The following NRG3 variants were observed in gnomAD, a reference collection of about 807,000 sequenced individuals.
The protein encoded by NRG3 is pro-neuregulin-3, membrane-bound isoform.
NRG3 carries 31 observed loss-of-function variants against 66.9 expected under a neutral mutation model. That is an observed-to-expected ratio of 0.46 (90% CI 0.35 to 0.63). The LOEUF (loss-of-function observed/expected upper bound fraction) is 0.63. Among genes scored for constraint, NRG3 ranks in the 20% least tolerant of loss-of-function variants. NRG3 has a pLI of 0.00. For missense variants in NRG3, 910 were observed against 878.9 expected, an observed-to-expected ratio of 1.04 and a Z score of -0.45; for synonymous variants, 393 against 359.4, an observed-to-expected ratio of 1.09 and a Z score of -1.06.
chr10:82,338,213 G>T (rs1240540964), intron 1 of NRG3, among the ~76,000 whole-genome samples: 1 of 152,208 alleles, frequency 6.6e-6, no homozygotes, highest in Non-Finnish European at 1.5e-5. Flanking sequence ...TAGTGCACTT[G>T]TGAGATCATC....
At chr10:82,684,774 G>A (rs2054379414) in intron 2 of NRG3, among the ~76,000 whole-genome samples, 1 of 152,120 alleles carries the variant, frequency 6.6e-6, no homozygotes, top group Non-Finnish European at 1.5e-5. Context: ...TCAAAGCTGT[G>A]TCTTGCAAAA....
intron 3 of NRG3, among the ~76,000 whole-genome samples, chr10:82,860,154 C>T (rs900820305): frequency 3.9e-5 from 6 of 152,102 alleles, no homozygotes; most frequent in East Asian, 1.9e-4. Flanking sequence ...GAAATTTCCC[C>T]GGTAACCAAT....
chr10:82,924,811 C>A (rs569150204), intron 4 of NRG3, among the ~76,000 whole-genome samples: 1 of 152,268 alleles, frequency 6.6e-6, no homozygotes, highest in Admixed American at 6.5e-5. Flanking sequence ...GACACCCCAG[C>A]TTTTCAAAAG....
intron 1 of NRG3, among the ~76,000 whole-genome samples, chr10:82,191,768 C>A (rs2074156168): frequency 6.6e-6 from 1 of 152,100 alleles, no homozygotes; most frequent in Non-Finnish European, 1.5e-5. Context: ...GCTTTCTTAC[C>A]AAACACTGTT....
intron 3 of NRG3, among the ~76,000 whole-genome samples, chr10:82,745,109 G>A (rs1366443879): frequency 6.6e-6 from 1 of 152,070 alleles, no homozygotes; most frequent in Non-Finnish European, 1.5e-5. Flanking sequence ...AAAAATGGAG[G>A]GGCAATAAAA....
chr10:82,273,623 T>G, intron 1 of NRG3, among the ~76,000 whole-genome samples: 1 of 152,008 alleles, frequency 6.6e-6, no homozygotes, highest in Admixed American at 6.6e-5. Context: ...ATAATATCCA[T>G]TTTAAAAAAT....
chr10:82,984,019 A>G (rs894148154), intron 8 of NRG3, among the ~76,000 whole-genome samples: 5 of 152,246 alleles, frequency 3.3e-5, no homozygotes, highest in Admixed American at 1.3e-4. Flanking sequence ...ATGTATAAAC[A>G]TGATTTTCAT....
At chr10:82,262,102 C>G (rs1011987311) in intron 1 of NRG3, among the ~76,000 whole-genome samples, 1 of 152,302 alleles carries the variant, frequency 6.6e-6, no homozygotes, top group Middle Eastern at 3.4e-3. Flanking sequence ...CCTGCAGAAC[C>G]ATGAGCGAAC....
chr10:82,072,201 A>G (rs964486403), intron 1 of NRG3, among the ~76,000 whole-genome samples: 6 of 152,206 alleles, frequency 3.9e-5, no homozygotes, highest in Non-Finnish European at 8.8e-5. Context: ...AAAATGTATG[A>G]TTATATTTTG....
At chr10:81,922,240 T>C (rs1209629136) in intron 1 of NRG3, among the ~76,000 whole-genome samples, 2 of 152,190 alleles carry the variant, frequency 1.3e-5, no homozygotes, top group Non-Finnish European at 2.9e-5. Context: ...GATCGTTTTT[T>C]AACAAATCCT....
At chr10:82,289,659 G>A (rs1348632746) in intron 1 of NRG3, among the ~76,000 whole-genome samples, 1 of 151,978 alleles carries the variant, frequency 6.6e-6, no homozygotes, top group East Asian at 1.9e-4. Context: ...ACGAAGTTTT[G>A]TATAATATAT....
chr10:82,545,425 C>A (rs1371760102), intron 2 of NRG3, among the ~76,000 whole-genome samples: 1 of 144,164 alleles, frequency 6.9e-6, no homozygotes, highest in Non-Finnish European at 1.5e-5. Flanking sequence ...GTCGCCCAGG[C>A]TGGAGTGCAG....
chr10:82,479,640 G>A (rs1285000604), intron 2 of NRG3, among the ~76,000 whole-genome samples: 4 of 125,440 alleles, frequency 3.2e-5, no homozygotes, highest in African/African-American at 1.3e-4. Context: ...CTCCAGCATG[G>A]ACAACAAGAG....
chr10:82,841,374 A>G (rs1450761245), intron 3 of NRG3, among the ~76,000 whole-genome samples: 3 of 152,200 alleles, frequency 2.0e-5, no homozygotes, highest in Non-Finnish European at 2.9e-5. Flanking sequence ...AATGCGTATC[A>G]GCGTTCTCTA....
intron 4 of NRG3, among the ~76,000 whole-genome samples, chr10:82,931,970 T>C (rs1404396047): frequency 6.6e-6 from 1 of 152,234 alleles, no homozygotes; most frequent in Non-Finnish European, 1.5e-5. Flanking sequence ...GATAAAATTC[T>C]TCTACCTTAT....
At chr10:82,654,059 GT>G (rs2133911706) in intron 2 of NRG3, among the ~76,000 whole-genome samples, 1 of 152,222 alleles carries the variant, frequency 6.6e-6, no homozygotes, top group South Asian at 2.1e-4. Flanking sequence ...TATTTGTGCA[GT>G]TTTTTGGGGG....
intron 1 of NRG3, among the ~76,000 whole-genome samples, chr10:82,321,225 C>T (rs2081552827): frequency 6.6e-6 from 1 of 152,034 alleles, no homozygotes; most frequent in Non-Finnish European, 1.5e-5. Flanking sequence ...TGTGTGCTCC[C>T]CCTCCAGTAA....
chr10:82,227,880 G>A (rs1367254373), intron 1 of NRG3, among the ~76,000 whole-genome samples: 1 of 152,010 alleles, frequency 6.6e-6, no homozygotes, highest in Non-Finnish European at 1.5e-5. Context: ...GGTGTTAGGG[G>A]CAGCCTTCAT....
rs866350345 is a variant in NRG3 at position 82,025,879 on chromosome 10, T to C, written c.823+149716T>C. Among the ~76,000 whole-genome samples the C allele has an allele frequency of 6.6e-5, 10 of 152,168 alleles. No individual in the cohort carries two copies. In the East Asian group the frequency reaches 1.7e-3, roughly 27 times the overall value. On this transcript the variant is annotated intron_variant, in intron 1 of 8. Coordinates refer to ENST00000372141, the MANE Select transcript of NRG3 (RefSeq NM_001010848.4). ...TGATAGCTGAGCTGGTGAGATTATA[T>C]AGCACCCTTGAAAACTTTCCTCTTT...
Sources: gnomAD v4.1 joint callset for allele counts (sites outside exome capture counted in the v4.1 genomes callset) on GRCh38, gnomAD v4.1.1 for gene constraint, MANE v1.5 for transcripts, NCBI Gene and HGNC (gene_info 2026-07-23, HGNC 2026-07-21) for gene names.